Variants in TMEM255B observed in about 807,000 individuals in gnomAD.
TMEM255B encodes the protein family with sequence similarity 70, member B.
Under a neutral mutation model 34.5 loss-of-function variants are expected in TMEM255B, and 35 were observed. The observed-to-expected ratio is 1.01, with a 90% confidence interval of 0.77 to 1.34. The LOEUF (loss-of-function observed/expected upper bound fraction) is 1.34, where lower values mean the gene tolerates loss of function less well. Among genes scored for constraint, TMEM255B ranks in the 40% most tolerant of loss-of-function variants. TMEM255B has a pLI of 0.00. For synonymous variants in TMEM255B, 206 were observed against 201.2 expected (o/e 1.02, Z -0.20); for missense variants, 432 against 433.2 (o/e 1.00, Z 0.02).
At position 113,812,985 on chromosome 13, in the gene TMEM255B, CGGGTGGGT is replaced by C. The variant is rs1566342342; in HGVS notation, c.*1083_*1090del. ...CGGGCCCCGGGTGGGTCACGGGTCCCGGGTGGGTCACGGGTCCCGAGTGGGTCACGGGT... is the reference window on the plus strand; with the variant it reads ...CGGGCCCCGGGTGGGTCACGGGTCCCCACGGGTCCCGAGTGGGTCACGGGT... On this transcript the variant is annotated 3_prime_UTR_variant, in exon 9 of 9. Transcript: ENST00000375353. The C allele has an allele frequency of 1.3e-5, 2 of 148,234 alleles. No homozygotes were observed. Among genetic ancestry groups the C allele is most frequent in the African/African-American group, 2.6e-5 (1 of 38,676 alleles). 9.2% of individuals were successfully genotyped at this position (148,234 alleles called of 1,614,324 possible).
At chr13:113,764,148 A>G (rs2050351347) in intron 1 of TMEM255B, among the ~76,000 whole-genome samples, 1 of 151,964 alleles carries the variant, frequency 6.6e-6, no homozygotes, top group African/African-American at 2.4e-5. Context: ...GGCGTGGGAC[A>G]CGGGGACACG....
intron 3 of TMEM255B, among the ~76,000 whole-genome samples, chr13:113,792,641 G>T (rs2050851118): frequency 6.6e-6 from 1 of 152,228 alleles, no homozygotes; most frequent in Non-Finnish European, 1.5e-5. Flanking sequence ...TCATCTGTCT[G>T]TTCCTCCAGC....
At position 113,806,172 on chromosome 13, in the gene TMEM255B, G is replaced by A. The variant is rs1001804937; in HGVS notation, c.813+1144G>A. Among the ~76,000 whole-genome samples the A allele has an allele frequency of 6.6e-6, 1 of 152,168 alleles. No individual in the cohort carries two copies. The highest frequency in any genetic ancestry group is 1.5e-5 in the Non-Finnish European group (1 of 68,030). On this transcript the variant is annotated intron_variant, in intron 8 of 8. Coordinates refer to ENST00000375353, the MANE Select transcript of TMEM255B (RefSeq NM_182614.4). This position sits in a 1 kb window ranked among gnomAD's most constrained non-coding sequence, Gnocchi z 4.2. ...TGCCCTCACGTCCAGGACAGAGAGG[G>A]CTCAGGTTTGAGCGGGGCCCGAGAG...
At chr13:113,786,334 C>T (rs1475766377) in intron 3 of TMEM255B, among the ~76,000 whole-genome samples, 2 of 151,996 alleles carry the variant, frequency 1.3e-5, no homozygotes, top group East Asian at 1.9e-4. Context: ...TCACCATCCC[C>T]ATCACCATCA....
At chr13:113,761,041 C>T (rs569291211) in intron 1 of TMEM255B, among the ~76,000 whole-genome samples, 5 of 152,058 alleles carry the variant, frequency 3.3e-5, no homozygotes, top group Non-Finnish European at 5.9e-5. Context: ...CTGCTTTGCC[C>T]TTCTTTGTTC....
chr13:113,766,353 G>A (rs1435473125), intron 2 of TMEM255B, 96 bp downstream of exon 2: 3 of 1,564,652 alleles, frequency 1.9e-6, no homozygotes, highest in South Asian at 2.2e-5. Context: ...GGCTGGGGCT[G>A]AAGGTGGGGA....
rs751876018 is a variant in TMEM255B, at chr13:113,804,965, C to T, written c.750C>T (p.Tyr250=). The change falls in exon 8 of 9, where the codon TAC becomes TAT. Residue 250 remains tyrosine, a synonymous_variant. Transcript: ENST00000375353. ...LYNPAQQILA[Y]AGFRLTPEPV... ...ACCCCGCCCAGCAGATCCTGGCCTA[C>T]GCAGGCTTCCGCCTGACGCCCGAGC... 13 of 1,606,562 alleles carry T rather than the reference C, an allele frequency of 8.1e-6. No individual in the cohort carries two copies. The highest frequency in any genetic ancestry group is 1.0e-5 in the Non-Finnish European group (12 of 1,179,792).
intron 3 of TMEM255B, among the ~76,000 whole-genome samples, chr13:113,789,294 C>T (rs951747300): frequency 1.3e-5 from 2 of 152,152 alleles, no homozygotes; most frequent in Admixed American, 6.5e-5. Flanking sequence ...AGCCTTCAGT[C>T]CAGATCCTTG....
chr13:113,800,481 G>A (rs887662506), intron 5 of TMEM255B, among the ~76,000 whole-genome samples: 30 of 152,056 alleles, frequency 2.0e-4, no homozygotes, highest in African/African-American at 7.2e-4. Context: ...GGGCTCTCAG[G>A]CTTCTGTGCA....
intron 3 of TMEM255B, among the ~76,000 whole-genome samples, chr13:113,775,164 A>G (rs1006895204): frequency 1.3e-5 from 2 of 150,816 alleles, no homozygotes; most frequent in Non-Finnish European, 3.0e-5. Context: ...ACACTACACA[A>G]TGCACACCAC....
Position 113,807,941 on chromosome 13 carries a change from C to G in TMEM255B, c.813+2913C>G, listed in dbSNP as rs368903752. On this transcript the variant is annotated intron_variant, in intron 8 of 8. Transcript: ENST00000375353. Reference sequence around the variant, plus strand: ...TCCACCCTGGGGCTCTGGGTTTACGCAAAGGGTGGATGTTCCCCTCTTCCT... The same window carrying G: ...TCCACCCTGGGGCTCTGGGTTTACGGAAAGGGTGGATGTTCCCCTCTTCCT... 3.9e-5 allele frequency among the ~76,000 whole-genome samples: 6 copies of G among 152,280 alleles called. No homozygotes were observed. In the East Asian group the frequency reaches 1.2e-3, roughly 29 times the overall value.
chr13:113,798,634 G>C (rs1352078014), intron 4 of TMEM255B, among the ~76,000 whole-genome samples: 8 of 151,490 alleles, frequency 5.3e-5, no homozygotes, highest in Admixed American at 5.3e-4. Context: ...CAGATGGGTG[G>C]ATGGATGGAT....
At chr13:113,805,582 T>C (rs2051155990) in intron 8 of TMEM255B, among the ~76,000 whole-genome samples, 1 of 152,188 alleles carries the variant, frequency 6.6e-6, no homozygotes, top group African/African-American at 2.4e-5. Context: ...GCCATGAAGC[T>C]CTGTGCTGTG....
intron 3 of TMEM255B, among the ~76,000 whole-genome samples, chr13:113,791,985 C>A (rs143681265): frequency 6.6e-6 from 1 of 152,164 alleles, no homozygotes; most frequent in Non-Finnish European, 1.5e-5. Flanking sequence ...GGGTGCACTG[C>A]GGGACAGGAA....
intron 8 of TMEM255B, among the ~76,000 whole-genome samples, chr13:113,811,082 C>T (rs906152498): frequency 4.0e-5 from 6 of 151,814 alleles, no homozygotes; most frequent in African/African-American, 1.5e-4. Context: ...CAGTGAGGCC[C>T]CGGCCACCCT....
At chr13:113,793,159 C>A (rs1298874499) in intron 3 of TMEM255B, among the ~76,000 whole-genome samples, 2 of 152,228 alleles carry the variant, frequency 1.3e-5, no homozygotes, top group Non-Finnish European at 2.9e-5. Context: ...CGGTCCAAGG[C>A]CACCCCGAGA....
chr13:113,803,477 C>T (rs1324395972), intron 7 of TMEM255B: 7 of 148,286 alleles, frequency 4.7e-5, no homozygotes, highest in Admixed American at 2.0e-4. Flanking sequence ...CTTAACGTGC[C>T]GGCAAGGGCG....
chr13:113,773,740 G>A lies in TMEM255B; in HGVS notation c.252+4580G>A, dbSNP rs142082593. Among the ~76,000 whole-genome samples the A allele has an allele frequency of 6.8e-4, 104 of 152,310 alleles. No homozygotes were observed. In the East Asian group the frequency reaches 0.012, roughly 17 times the overall value. ...GGCTGTCCGTGAGTGCTGCGTGATC[G>A]TAGGAAACTTACTGAAGCATTTCAG... On this transcript the variant is annotated intron_variant, in intron 3 of 8. Transcript: ENST00000375353.
chr13:113,772,761 C>CTA (rs1269014263), intron 3 of TMEM255B, among the ~76,000 whole-genome samples: 1 of 152,222 alleles, frequency 6.6e-6, no homozygotes, highest in African/African-American at 2.4e-5. Flanking sequence ...TTCTTTTAAT[C>CTA]TATATGTCTT....
Sources: allele counts gnomAD v4.1 joint callset (sites outside exome capture counted in the v4.1 genomes callset), GRCh38; gene constraint gnomAD v4.1.1; non-coding constraint Gnocchi (gnomAD v3.1); transcripts MANE v1.5; gene names NCBI Gene and HGNC (gene_info 2026-07-23, HGNC 2026-07-21).